The following SPATA13 variants were observed in gnomAD, a reference collection of about 807,000 sequenced individuals.
SPATA13 encodes the protein spermatogenesis-associated protein 13.
SPATA13 carries 50 observed loss-of-function variants against 104.0 expected under a neutral mutation model. The observed-to-expected ratio is 0.48, with a 90% CI of 0.38 to 0.61. The LOEUF (loss-of-function observed/expected upper bound fraction) is 0.61. SPATA13 is among the 20% of genes least tolerant of loss of function. The pLI is 0.00. For synonymous variants in SPATA13, 606 were observed against 667.5 expected, an observed-to-expected ratio of 0.91 and a Z score of 1.42; for missense variants, 1,524 against 1,690.6, an observed-to-expected ratio of 0.90 and a Z score of 1.73.
chr13:24,127,603 A>G (rs1253919259), intron 3 of SPATA13, among the ~76,000 whole-genome samples: 1 of 152,236 alleles, frequency 6.6e-6, no homozygotes, highest in Non-Finnish European at 1.5e-5. Flanking sequence ...ATTCAAGTTC[A>G]GTTTAGAGCC....
chr13:24,155,232 G>A (rs1882224709), intron 3 of SPATA13, among the ~76,000 whole-genome samples: 1 of 152,186 alleles, frequency 6.6e-6, no homozygotes, highest in African/African-American at 2.4e-5. Flanking sequence ...AAAGATGAAA[G>A]GGGGATTCTA....
chr13:24,166,216 A>G (rs1351949604), intron 1 of SPATA13, among the ~76,000 whole-genome samples: 1 of 152,224 alleles, frequency 6.6e-6, no homozygotes, highest in Non-Finnish European at 1.5e-5. Flanking sequence ...GGAGAGATTG[A>G]TCAGAGACAG....
At chr13:24,108,571 G>C (rs975461479) in intron 3 of SPATA13, among the ~76,000 whole-genome samples, 1 of 152,146 alleles carries the variant, frequency 6.6e-6, no homozygotes, top group Admixed American at 6.5e-5. Context: ...CTTGCAGCCA[G>C]GATTCTCCTG....
intron 2 of SPATA13, among the ~76,000 whole-genome samples, chr13:23,990,259 A>C (rs1271838399): frequency 1.3e-5 from 2 of 152,148 alleles, no homozygotes; most frequent in East Asian, 3.8e-4. Context: ...TATGAAATGC[A>C]ACTCTCTGGT....
At chr13:24,072,432 G>T (rs1006368384) in intron 3 of SPATA13, among the ~76,000 whole-genome samples, 2 of 152,200 alleles carry the variant, frequency 1.3e-5, no homozygotes, top group Non-Finnish European at 2.9e-5. Context: ...GAGGCAGGTG[G>T]ATCTTCACAG....
chr13:24,184,527 G>A (rs1436519278), intron 1 of SPATA13, among the ~76,000 whole-genome samples: 1 of 152,126 alleles, frequency 6.6e-6, no homozygotes, highest in Non-Finnish European at 1.5e-5. Context: ...TGGTAGTGTT[G>A]CCAGTTTTGA....
Position 24,286,645 on chromosome 13 carries a change from G to A in SPATA13, c.2482-120G>A, listed in dbSNP as rs1377926513. ...CCTGCTGAGGCCATGAGACTCAGGC[G>A]AGGGCCAGGCTGCCTTCCTAACAGG... On this transcript the variant is annotated intron_variant, in intron 6 of 12. Transcript: ENST00000382108. The surrounding 1 kb of genome is among the most constrained non-coding windows in gnomAD (Gnocchi z 4.9). 23 of 996,810 alleles carry A rather than the reference G, an allele frequency of 2.3e-5. No homozygotes were observed. Among genetic ancestry groups the A allele is most frequent in the South Asian group, 1.0e-4 (6 of 59,932 alleles). The allele number at this position is 996,810 out of a possible 1,614,324, so 61.7% of individuals were successfully genotyped here.
chr13:24,300,380 C>T (rs1324815570), intron 11 of SPATA13, 21 bp from the exon 12 acceptor site: 2 of 1,598,466 alleles, frequency 1.3e-6, no homozygotes, highest in Non-Finnish European at 1.7e-6. Context: ...GAATATATAT[C>T]ACATTTATTT....
At chr13:24,182,848 C>T (rs1868898197) in intron 1 of SPATA13, among the ~76,000 whole-genome samples, 1 of 152,064 alleles carries the variant, frequency 6.6e-6, no homozygotes, top group African/African-American at 2.4e-5. Flanking sequence ...CATGTTGCGC[C>T]ACATCAGTCG....
In SPATA13 at chr13:24,224,129, G is replaced by C. The variant is rs963635248; in HGVS notation, c.1200G>C (p.Gly400=). 2 of 1,551,616 alleles carry C rather than the reference G, an allele frequency of 1.3e-6. No individual in the cohort carries two copies. The highest frequency in any genetic ancestry group is 2.0e-5 in the Admixed American group (1 of 51,004). The change falls in exon 2 of 13, where the codon GGG becomes GGC. Residue 400 remains glycine, a synonymous_variant. Coordinates refer to ENST00000382108, the MANE Select transcript of SPATA13 (RefSeq NM_001166271.3). ...APGFGSATSK[G]PHLDADTAVF... ...GTTTCGGCTCAGCCACCTCTAAGGG[G>C]CCCCACCTAGACGCTGACACTGCCG...
chr13:24,210,041 A>G lies in SPATA13; in HGVS notation c.-111-12778A>G, dbSNP rs569981321. On this transcript the variant is annotated intron_variant, in intron 1 of 12. Coordinates refer to ENST00000382108, the MANE Select transcript of SPATA13 (RefSeq NM_001166271.3). ...TTGATGTTGAGCACCTTTTTCATAT[A>G]TCTCTTGGCCATTTGTGTGTCTTCT... is the stretch of plus-strand genomic sequence containing the variant. Among the ~76,000 whole-genome samples, 4 of 151,786 alleles carry G rather than the reference A, an allele frequency of 2.6e-5. No individual in the cohort carries two copies. In the East Asian group the frequency reaches 7.8e-4, roughly 29 times the overall value.
rs1219610387 is a variant in SPATA13, at chr13:24,222,904, C to G, written c.-26C>G. 1 of 1,550,204 alleles carries G rather than the reference C, an allele frequency of 6.5e-7. No individual in the cohort carries two copies. The highest frequency in any genetic ancestry group is 8.7e-7 in the Non-Finnish European group (1 of 1,146,280). ...GGAGATGAAGGCCTGGAGCTGCGGT[C>G]TGCGGACTCGGCAGTGCCCGTGGCC... On this transcript the variant is annotated 5_prime_UTR_variant, in exon 2 of 13. Transcript: ENST00000382108.
intron 3 of SPATA13, among the ~76,000 whole-genome samples, chr13:24,068,246 A>G (rs923540092): frequency 1.3e-5 from 2 of 152,136 alleles, no homozygotes; most frequent in Admixed American, 1.3e-4. Context: ...CTTATAAGTG[A>G]GAACATGTGG....
rs1394198036 is a variant in SPATA13, at chr13:23,992,894, G to A, written c.-147+8961G>A. Among the ~76,000 whole-genome samples the A allele has an allele frequency of 2.0e-5, 3 of 152,242 alleles. 1 individual carries two copies. Reference sequence around the variant, plus strand: ...GTGTAAAGTGCTTCTAACAGTGCCTGGCACGGCAAGAGCTAAGAAGTGTCA... The same window carrying A: ...GTGTAAAGTGCTTCTAACAGTGCCTAGCACGGCAAGAGCTAAGAAGTGTCA... On this transcript the variant is annotated intron_variant, in intron 2 of 14. Transcript: ENST00000424834.
At chr13:24,220,412 C>G (rs1316402045) in intron 1 of SPATA13, among the ~76,000 whole-genome samples, 1 of 152,222 alleles carries the variant, frequency 6.6e-6, no homozygotes, top group Non-Finnish European at 1.5e-5. Context: ...CTACTAATGT[C>G]AGTGCCTGTG....
At chr13:24,177,385 C>A (rs1330025001) in intron 1 of SPATA13, among the ~76,000 whole-genome samples, 1 of 152,248 alleles carries the variant, frequency 6.6e-6, no homozygotes, top group Non-Finnish European at 1.5e-5. Context: ...AGCAAATTCA[C>A]TGTCGGCGTG....
rs186341606 is a variant in SPATA13 at position 24,257,314 on chromosome 13, G to A, written c.2164+5452G>A. Among the ~76,000 whole-genome samples, 181 of 152,262 alleles carry A rather than the reference G, an allele frequency of 1.2e-3. 1 individual carries two copies. Among genetic ancestry groups the A allele is most frequent in the Admixed American group, 2.2e-3 (33 of 15,304 alleles). Reference sequence around the variant, plus strand: ...TCACAGAGACAAGCAAAGGACGAATGCACACCCGTGCACCAAAGTCAGTCG... The same window carrying A: ...TCACAGAGACAAGCAAAGGACGAATACACACCCGTGCACCAAAGTCAGTCG... On this transcript the variant is annotated intron_variant, in intron 4 of 12. Coordinates refer to ENST00000382108, the MANE Select transcript of SPATA13 (RefSeq NM_001166271.3).
intron 3 of SPATA13, among the ~76,000 whole-genome samples, chr13:24,140,727 A>G (rs1044063185): frequency 1.3e-5 from 2 of 152,364 alleles, no homozygotes; most frequent in African/African-American, 4.8e-5. Context: ...GAATGTTAGT[A>G]TTATATAATG....
At chr13:24,027,912 T>C (rs573496707) in intron 3 of SPATA13, among the ~76,000 whole-genome samples, 1 of 152,334 alleles carries the variant, frequency 6.6e-6, no homozygotes, top group East Asian at 1.9e-4. Flanking sequence ...TCAGCTCTGC[T>C]CCAGCATCTG....
Sources: gnomAD v4.1 joint callset for allele counts (sites outside exome capture counted in the v4.1 genomes callset) on GRCh38, gnomAD v4.1.1 for gene constraint, Gnocchi (gnomAD v3.1) non-coding constraint, MANE v1.5 for transcripts, NCBI Gene and HGNC (gene_info 2026-07-23, HGNC 2026-07-21) for gene names.